Variants in TAFA5 observed in about 807,000 individuals in gnomAD.
TAFA5 encodes the protein TAFA chemokine like family member 5.
Under a neutral mutation model 15.3 loss-of-function variants are expected in TAFA5, and 6 were observed. That is an observed-to-expected ratio of 0.39 (90% CI 0.21 to 0.77). TAFA5 has a LOEUF of 0.77. TAFA5 is among the 30% of genes least tolerant of loss of function. The pLI is 0.41. For synonymous variants in TAFA5, 103 were observed against 80.7 expected (o/e 1.28, Z -1.48); for missense variants, 161 against 193.1 (o/e 0.83, Z 0.98).
intron 3 of TAFA5, among the ~76,000 whole-genome samples, chr22:48,715,262 C>T (rs577571422): frequency 2.6e-5 from 4 of 152,248 alleles, no homozygotes; most frequent in South Asian, 2.1e-4. Flanking sequence ...TGCTGTGCTC[C>T]GAAACATGGT....
chr22:48,588,925 C>T (rs1924459848), intron 1 of TAFA5, among the ~76,000 whole-genome samples: 2 of 152,324 alleles, frequency 1.3e-5, no homozygotes, highest in Middle Eastern at 3.4e-3. Flanking sequence ...TCAAAGTCAG[C>T]CTCTGCCTCA....
At chr22:48,524,399 A>G (rs957832258) in intron 1 of TAFA5, among the ~76,000 whole-genome samples, 1 of 152,052 alleles carries the variant, frequency 6.6e-6, no homozygotes, top group African/African-American at 2.4e-5. Flanking sequence ...CCCCAAGGCC[A>G]CCCTGAGGAG....
rs141941404 is a variant in TAFA5 at position 48,532,316 on chromosome 22, C to T, written c.112+42612C>T. 1.3e-3 allele frequency among the ~76,000 whole-genome samples: 203 copies of T among 152,296 alleles called. No homozygotes were observed. The Middle Eastern group carries it at 0.014, about 10-fold the overall frequency. ...CACCATATTTGCCTTTTATTTACTCCGCACCTTTTCAGGCTGTGGTCAGCC... is the reference window on the plus strand; with the variant it reads ...CACCATATTTGCCTTTTATTTACTCTGCACCTTTTCAGGCTGTGGTCAGCC... On this transcript the variant is annotated intron_variant, in intron 1 of 3. Transcript: ENST00000402357.
intron 2 of TAFA5, among the ~76,000 whole-genome samples, chr22:48,690,752 G>A (rs1416057169): frequency 6.6e-6 from 1 of 152,198 alleles, no homozygotes; most frequent in Non-Finnish European, 1.5e-5. Flanking sequence ...CGTGACCTGA[G>A]GCACACGGAA....
In TAFA5 at chr22:48,577,970, T is replaced by C. The variant is rs571105634; in HGVS notation, c.113-68627T>C. On this transcript the variant is annotated intron_variant, in intron 1 of 3. Transcript: ENST00000402357. Reference sequence around the variant, plus strand: ...GGCCATCCTTCCTGCTGAGGAGTCATTGGGTCCAGGCAAGCCCGCGAGGGC... The same window carrying C: ...GGCCATCCTTCCTGCTGAGGAGTCACTGGGTCCAGGCAAGCCCGCGAGGGC... 2.6e-4 allele frequency among the ~76,000 whole-genome samples: 40 copies of C among 152,294 alleles called. No individual in the cohort carries two copies. The Middle Eastern group carries it at 0.017, about 65-fold the overall frequency.
In TAFA5 at chr22:48,578,863, G is replaced by C. The variant is rs530148609; in HGVS notation, c.113-67734G>C. Among the ~76,000 whole-genome samples, 13 of 152,300 alleles carry C rather than the reference G, an allele frequency of 8.5e-5. No homozygotes were observed. The East Asian group carries it at 1.2e-3, about 14-fold the overall frequency. On this transcript the variant is annotated intron_variant, in intron 1 of 3. Transcript: ENST00000402357. ...GACCAGCAGTGAGAGGTGCAGGGAG[G>C]GGGGTGGCCGACTCTGGTTCCTGGC...
intron 2 of TAFA5, among the ~76,000 whole-genome samples, chr22:48,699,728 G>A (rs1011336573): frequency 3.9e-5 from 6 of 152,336 alleles, no homozygotes; most frequent in African/African-American, 9.6e-5. Context: ...GCCTTGCAGC[G>A]TGAGTAAGCG....
intron 1 of TAFA5, among the ~76,000 whole-genome samples, chr22:48,524,032 C>T (rs1180556998): frequency 6.6e-6 from 1 of 152,220 alleles, no homozygotes; most frequent in Non-Finnish European, 1.5e-5. Flanking sequence ...TGTCAGAGGG[C>T]GGAAGCAGGG....
At chr22:48,515,211 G>A (rs1030839852) in intron 1 of TAFA5, among the ~76,000 whole-genome samples, 11 of 151,622 alleles carry the variant, frequency 7.3e-5, no homozygotes, top group Non-Finnish European at 1.0e-4. Context: ...CACAGGCAGC[G>A]TCCTCTCAGC....
chr22:48,664,025 C>A (rs1927532429), intron 2 of TAFA5, among the ~76,000 whole-genome samples: 1 of 152,200 alleles, frequency 6.6e-6, no homozygotes, highest in African/African-American at 2.4e-5. Context: ...AGTAAAAAAT[C>A]TTCTATCCAT....
intron 1 of TAFA5, among the ~76,000 whole-genome samples, chr22:48,641,281 G>T (rs949693373): frequency 1.3e-5 from 2 of 152,140 alleles, no homozygotes; most frequent in Admixed American, 1.3e-4. Flanking sequence ...GAAATGATGC[G>T]TGACAAACAC....
intron 3 of TAFA5, among the ~76,000 whole-genome samples, chr22:48,714,136 A>C (rs1418066550): frequency 2.6e-5 from 4 of 152,238 alleles, no homozygotes; most frequent in African/African-American, 9.6e-5. Context: ...TGATTCTTGG[A>C]GGAGCCATCC....
At chr22:48,608,375 T>G (rs1390455749) in intron 1 of TAFA5, among the ~76,000 whole-genome samples, 4 of 152,168 alleles carry the variant, frequency 2.6e-5, no homozygotes, top group Non-Finnish European at 5.9e-5. Flanking sequence ...AAGTGTGCGC[T>G]GAAATACGGT....
intron 1 of TAFA5, chr22:48,539,355 C>T: frequency 4.2e-6 from 2 of 471,186 alleles, no homozygotes; most frequent in Non-Finnish European, 4.4e-6. Flanking sequence ...GACATGGGCT[C>T]CTCCAGGCTG....
chr22:48,630,771 G>A (rs908137205), intron 1 of TAFA5, among the ~76,000 whole-genome samples: 8 of 150,138 alleles, frequency 5.3e-5, no homozygotes, highest in Non-Finnish European at 7.4e-5. Flanking sequence ...GGCTCCAGGC[G>A]CTGGGGAAGG....
At chr22:48,544,130 GT>G (rs144106306) in intron 1 of TAFA5, 2,595 of 156,042 alleles carry the variant, frequency 0.017, 105 homozygotes, top group East Asian at 0.16. Context: ...GTCAGCCAGG[GT>G]GTGTCATGGT....
chr22:48,687,045 G>A (rs1385669565), intron 2 of TAFA5, among the ~76,000 whole-genome samples: 6 of 151,278 alleles, frequency 4.0e-5, no homozygotes, highest in Admixed American at 3.9e-4. Context: ...GATGGAGGAT[G>A]GATAGATGGA....
intron 1 of TAFA5, among the ~76,000 whole-genome samples, chr22:48,608,645 G>A (rs1925285193): frequency 6.6e-6 from 1 of 152,214 alleles, no homozygotes. Context: ...GAATCCTCTT[G>A]GCGCCAATCC....
intron 1 of TAFA5, among the ~76,000 whole-genome samples, chr22:48,630,737 G>A (rs76238114): frequency 0.077 from 11,678 of 152,260 alleles, 534 homozygotes; most frequent in Admixed American, 0.13. Context: ...CCGGGGCCCT[G>A]AATCACGGGG....
Sources: gnomAD v4.1 joint callset for allele counts (sites outside exome capture counted in the v4.1 genomes callset) on GRCh38, gnomAD v4.1.1 for gene constraint, MANE v1.5 for transcripts, NCBI Gene and HGNC (gene_info 2026-07-23, HGNC 2026-07-21) for gene names.